WDPCP: variants seen among roughly 807,000 people sequenced by gnomAD.
The protein encoded by WDPCP is WD repeat containing planar cell polarity effector, also known as WD repeat-containing and planar cell polarity effector protein fritz homolog.
WDPCP carries 71 observed loss-of-function variants against 93.1 expected under a neutral mutation model. The observed-to-expected ratio is 0.76, with a 90% CI of 0.63 to 0.93. The LOEUF is 0.93. WDPCP is among the 40% of genes least tolerant of loss of function. The pLI, the probability that WDPCP is intolerant of heterozygous loss-of-function variation, is 0.00. For synonymous variants in WDPCP, 315 were observed against 315.0 expected (o/e 1.00, Z 0.00); for missense variants, 844 against 887.4 (o/e 0.95, Z 0.62).
intron 13 of WDPCP, among the ~76,000 whole-genome samples, chr2:63,263,620 C>T (rs1681843187): frequency 6.6e-6 from 1 of 152,164 alleles, no homozygotes; most frequent in Non-Finnish European, 1.5e-5. Context: ...GCTGTTGTAG[C>T]AGCAGAAAAC....
chr2:63,198,871 G>A (rs1675665692), intron 14 of WDPCP, among the ~76,000 whole-genome samples: 1 of 152,176 alleles, frequency 6.6e-6, no homozygotes, highest in Admixed American at 6.5e-5. Context: ...GGAGGGCTCA[G>A]AAGAAGACAG....
At chr2:63,460,104 T>C (rs1698904492) in intron 6 of WDPCP, among the ~76,000 whole-genome samples, 2 of 152,184 alleles carry the variant, frequency 1.3e-5, no homozygotes, top group Non-Finnish European at 1.5e-5. Flanking sequence ...AACAGATCGA[T>C]GAATAAAGAA....
chr2:63,456,775 G>C (rs886634267), intron 6 of WDPCP, among the ~76,000 whole-genome samples: 2 of 152,208 alleles, frequency 1.3e-5, no homozygotes, highest in African/African-American at 4.8e-5. Context: ...CCAGCACTTT[G>C]GGAGGCTGAG....
chr2:63,746,793 C>A (rs183610993), intron 2 of WDPCP, among the ~76,000 whole-genome samples: 6 of 152,134 alleles, frequency 3.9e-5, no homozygotes, highest in Non-Finnish European at 8.8e-5. Flanking sequence ...GCGTGCACAG[C>A]GGGACATGGA....
At chr2:63,489,561 G>A (rs899329141) in intron 2 of WDPCP, among the ~76,000 whole-genome samples, 1 of 151,978 alleles carries the variant, frequency 6.6e-6, no homozygotes. Flanking sequence ...CTAGGGAAAG[G>A]AAATTACAAC....
chr2:63,177,163 T>C (rs1222218292), intron 14 of WDPCP, among the ~76,000 whole-genome samples: 2 of 152,228 alleles, frequency 1.3e-5, no homozygotes, highest in African/African-American at 2.4e-5. Flanking sequence ...TACTGTAGCC[T>C]TGTAATATGT....
At chr2:63,167,796 C>T (rs1354748686) in intron 15 of WDPCP, among the ~76,000 whole-genome samples, 1 of 151,906 alleles carries the variant, frequency 6.6e-6, no homozygotes, top group Non-Finnish European at 1.5e-5. Flanking sequence ...TTACTTTTTG[C>T]CTACTTGATC....
At chr2:63,708,911 A>G (rs1037179763) in intron 2 of WDPCP, among the ~76,000 whole-genome samples, 4 of 150,992 alleles carry the variant, frequency 2.6e-5, no homozygotes, top group African/African-American at 9.7e-5. Flanking sequence ...CGCCTGGCCA[A>G]TAGCTACCCA....
chr2:63,601,886 C>T (rs1331783310), intron 3 of WDPCP, among the ~76,000 whole-genome samples: 1 of 152,152 alleles, frequency 6.6e-6, no homozygotes, highest in East Asian at 1.9e-4. Context: ...ATATACCATA[C>T]CAGCTAAATT....
intron 3 of WDPCP, among the ~76,000 whole-genome samples, chr2:63,612,931 C>CT (rs553611122): frequency 0.011 from 1,497 of 142,230 alleles, 14 homozygotes; most frequent in African/African-American, 0.031. Context: ...TTCTTTCTTT[C>CT]TTTTTTTTTT....
In WDPCP at chr2:63,381,431, G is replaced by A. The variant is rs560273768; in HGVS notation, c.1624+475C>T. On this transcript the variant is annotated intron_variant, in intron 11 of 17. Transcript: ENST00000272321. ...CAGAATAAGGAAAACAAGAAGGAGC[G>A]GCCTGGGCTACAATTCAGATATACA... is the stretch of plus-strand genomic sequence containing the variant. Among the ~76,000 whole-genome samples the A allele has an allele frequency of 8.6e-5, 13 of 152,036 alleles. No individual in the cohort carries two copies. The East Asian group carries it at 1.9e-3, about 23-fold the overall frequency.
At chr2:63,517,060 C>T (rs1047798843) in intron 1 of WDPCP, among the ~76,000 whole-genome samples, 1 of 152,104 alleles carries the variant, frequency 6.6e-6, no homozygotes, top group Non-Finnish European at 1.5e-5. Context: ...CTTCTTGGCT[C>T]GTCTTCTTCT....
intron 2 of WDPCP, among the ~76,000 whole-genome samples, chr2:63,700,227 G>C (rs1000680036): frequency 7.1e-6 from 1 of 139,886 alleles, no homozygotes; most frequent in Non-Finnish European, 1.5e-5. Flanking sequence ...AGGCTGCAGT[G>C]AGCCACGATC....
At chr2:63,297,730 A>C (rs563729483) in intron 13 of WDPCP, among the ~76,000 whole-genome samples, 1 of 152,242 alleles carries the variant, frequency 6.6e-6, no homozygotes, top group South Asian at 2.1e-4. Flanking sequence ...CACAGGGTAG[A>C]CCTAAATACT....
chr2:63,829,804 T>C (rs72891006), upstream of WDPCP, among the ~76,000 whole-genome samples: 18,367 of 152,128 alleles, frequency 0.12, 1,481 homozygotes, highest in African/African-American at 0.23. Flanking sequence ...TGTCTTTTAT[T>C]TTGAAAATTA....
At chr2:63,649,481 G>C (rs994329341) in intron 3 of WDPCP, among the ~76,000 whole-genome samples, 11 of 152,092 alleles carry the variant, frequency 7.2e-5, no homozygotes, top group African/African-American at 2.4e-4. Flanking sequence ...CCACCTGTTG[G>C]TTATTGTGAA....
intron 3 of WDPCP, among the ~76,000 whole-genome samples, chr2:63,616,503 T>G (rs549882803): frequency 6.6e-6 from 1 of 152,330 alleles, no homozygotes; most frequent in East Asian, 1.9e-4. Context: ...GTAAGTCTAA[T>G]GTGCACCTTT....
intron 2 of WDPCP, among the ~76,000 whole-genome samples, chr2:63,724,016 A>G (rs1487320495): frequency 6.6e-6 from 1 of 152,222 alleles, no homozygotes; most frequent in Non-Finnish European, 1.5e-5. Context: ...AAATTTTTTC[A>G]TCTTTAACTA....
intron 1 of WDPCP, among the ~76,000 whole-genome samples, chr2:63,504,983 T>A (rs1394307601): frequency 6.6e-6 from 1 of 152,046 alleles, no homozygotes; most frequent in East Asian, 1.9e-4. Context: ...TAAATTAAGG[T>A]CTTCCTGTTA....
Sources: gnomAD v4.1 joint callset for allele counts (sites outside exome capture counted in the v4.1 genomes callset) on GRCh38, gnomAD v4.1.1 for gene constraint, MANE v1.5 for transcripts, NCBI Gene and HGNC (gene_info 2026-07-23, HGNC 2026-07-21) for gene names.